The following MSRA variants were observed in gnomAD, a reference collection of about 807,000 sequenced individuals.
MSRA encodes the protein mitochondrial peptide methionine sulfoxide reductase.
In MSRA, 54 loss-of-function variants were observed where a neutral mutation model predicts 31.3. That is an observed-to-expected ratio of 1.73 (90% CI 1.39 to 2.17). The LOEUF (loss-of-function observed/expected upper bound fraction) is 2.17. MSRA is among the 30% of genes most tolerant of loss of function. MSRA has a pLI of 0.00. For missense variants in MSRA, 507 were observed against 300.9 expected (o/e 1.69, Z -5.07); for synonymous variants, 169 against 116.5 (o/e 1.45, Z -2.90).
chr8:10,307,450 G>A (rs1399190664), intron 4 of MSRA, among the ~76,000 whole-genome samples: 1 of 152,170 alleles, frequency 6.6e-6, no homozygotes, highest in Non-Finnish European at 1.5e-5. Context: ...GACAGAGGTG[G>A]CCACTGCGCC....
intron 1 of MSRA, among the ~76,000 whole-genome samples, chr8:10,101,443 T>A (rs771343804): frequency 1.3e-5 from 2 of 152,214 alleles, no homozygotes; most frequent in Non-Finnish European, 2.9e-5. Context: ...ATTCACATTG[T>A]TATGCTGCCA....
chr8:10,279,356 A>G (rs1799494896), intron 3 of MSRA, among the ~76,000 whole-genome samples: 2 of 152,202 alleles, frequency 1.3e-5, no homozygotes, highest in Non-Finnish European at 2.9e-5. Context: ...TTAGAAACAC[A>G]TTCTCAGAGT....
chr8:10,250,695 G>A, intron 3 of MSRA: 2 of 549,534 alleles, frequency 3.6e-6, no homozygotes, highest in Non-Finnish European at 6.5e-6. Context: ...CCCTCTGGGG[G>A]TGGTGATGGA....
intron 1 of MSRA, among the ~76,000 whole-genome samples, chr8:10,175,936 A>T (rs1190973625): frequency 2.0e-5 from 3 of 152,348 alleles, no homozygotes; most frequent in South Asian, 2.1e-4. Context: ...ATAAGGCAGC[A>T]TCATTTTCTT....
rs766387655 is a variant in MSRA, at chr8:10,210,978, C to T, written c.211+3077C>T. 5.9e-5 allele frequency among the ~76,000 whole-genome samples: 9 copies of T among 151,958 alleles called. No homozygotes were observed. In the South Asian group the frequency reaches 6.3e-4, roughly 11 times the overall value. ...CTCGAACTCCTAACCTCAAGAGATC[C>T]GCCCACTTTAGCCTCCCCAAATGCC... On this transcript the variant is annotated intron_variant, in intron 2 of 5. Coordinates refer to ENST00000317173, the MANE Select transcript of MSRA (RefSeq NM_012331.5).
chr8:10,201,279 T>C (rs1808474806), intron 1 of MSRA, among the ~76,000 whole-genome samples: 1 of 152,110 alleles, frequency 6.6e-6, no homozygotes, highest in Non-Finnish European at 1.5e-5. Context: ...CGGTATGGGT[T>C]GGGTTGGCAT....
chr8:10,368,593 A>T (rs1208451224), intron 5 of MSRA, among the ~76,000 whole-genome samples: 2 of 152,252 alleles, frequency 1.3e-5, no homozygotes, highest in Non-Finnish European at 2.9e-5. Flanking sequence ...TCTAGATGCA[A>T]GTTTAAAACC....
At chr8:10,252,762 A>G (rs1334515718) in intron 3 of MSRA, among the ~76,000 whole-genome samples, 1 of 152,226 alleles carries the variant, frequency 6.6e-6, no homozygotes, top group Non-Finnish European at 1.5e-5. Flanking sequence ...CACCTGCTCC[A>G]GTTTACAGTA....
At chr8:10,211,067 A>G (rs1037962712) in intron 2 of MSRA, among the ~76,000 whole-genome samples, 1 of 152,104 alleles carries the variant, frequency 6.6e-6, no homozygotes, top group African/African-American at 2.4e-5. Flanking sequence ...TAATCATTTG[A>G]ATATACCTTA....
chr8:10,427,971 G>A (rs1809288064), intron 5 of MSRA, among the ~76,000 whole-genome samples, 177 bp from the exon 6 acceptor site: 1 of 152,200 alleles, frequency 6.6e-6, no homozygotes, highest in African/African-American at 2.4e-5. Flanking sequence ...GCACAGCAAG[G>A]TAAGTCCCTG....
At chr8:10,365,358 C>T (rs1279083040) in intron 5 of MSRA, among the ~76,000 whole-genome samples, 1 of 152,138 alleles carries the variant, frequency 6.6e-6, no homozygotes, top group Admixed American at 6.5e-5. Context: ...GTTTGCCAAA[C>T]AGTGAACTGC....
At chr8:10,387,670 C>T (rs969568823) in intron 5 of MSRA, among the ~76,000 whole-genome samples, 4 of 152,168 alleles carry the variant, frequency 2.6e-5, no homozygotes, top group Admixed American at 6.5e-5. Context: ...TAAAGTCTCC[C>T]AAGTAATGTC....
chr8:10,190,417 C>A (rs924514323), intron 1 of MSRA, among the ~76,000 whole-genome samples: 5 of 152,206 alleles, frequency 3.3e-5, no homozygotes, highest in East Asian at 1.9e-4. Flanking sequence ...AGTGCCTGGA[C>A]ACCCCCAGCA....
intron 2 of MSRA, among the ~76,000 whole-genome samples, chr8:10,227,287 C>A (rs1453567665): frequency 9.2e-5 from 14 of 152,030 alleles, no homozygotes; most frequent in Non-Finnish European, 1.5e-5. Context: ...TCCCTTGTGA[C>A]CTCAAGGGAG....
intron 2 of MSRA, among the ~76,000 whole-genome samples, chr8:10,233,575 T>C (rs971780486): frequency 3.3e-5 from 5 of 152,208 alleles, no homozygotes; most frequent in African/African-American, 1.2e-4. Flanking sequence ...AACTCTTAGA[T>C]TGAACCCAGT....
At chr8:10,164,543 A>C (rs780778776) in intron 1 of MSRA, among the ~76,000 whole-genome samples, 7 of 152,236 alleles carry the variant, frequency 4.6e-5, no homozygotes, top group Non-Finnish European at 1.0e-4. Flanking sequence ...AATATTTAAT[A>C]AACAACCCAA....
chr8:10,337,637 A>C (rs768508274), intron 5 of MSRA: 9 of 683,906 alleles, frequency 1.3e-5, no homozygotes, highest in Non-Finnish European at 2.4e-5. Flanking sequence ...GGATATTGTC[A>C]CATTTTCCTT....
At chr8:10,295,687 G>A (rs1048704005) in intron 3 of MSRA, among the ~76,000 whole-genome samples, 11 of 152,184 alleles carry the variant, frequency 7.2e-5, no homozygotes, top group South Asian at 4.1e-4. Context: ...TGCTGGCAGC[G>A]TGTCCCAGCC....
At chr8:10,292,825 C>T (rs543279101) in intron 3 of MSRA, among the ~76,000 whole-genome samples, 26 of 152,208 alleles carry the variant, frequency 1.7e-4, no homozygotes, top group African/African-American at 6.3e-4. Context: ...TGGGCGAGCC[C>T]TACAGGCTGG....
Sources: gnomAD v4.1 joint callset for allele counts (sites outside exome capture counted in the v4.1 genomes callset) on GRCh38, gnomAD v4.1.1 for gene constraint, MANE v1.5 for transcripts, NCBI Gene and HGNC (gene_info 2026-07-23, HGNC 2026-07-21) for gene names.